Variants in P4HTM observed in about 807,000 individuals in gnomAD.
P4HTM encodes transmembrane prolyl 4-hydroxylase.
P4HTM carries 33 observed loss-of-function variants against 55.3 expected under a neutral mutation model. The ratio of observed to expected loss-of-function variants is 0.60; its 90% CI spans 0.45 to 0.80. P4HTM has a LOEUF of 0.80. P4HTM is among the 30% of genes least tolerant of loss of function. The pLI, the probability that P4HTM is intolerant of heterozygous loss-of-function variation, is 0.00. For synonymous variants in P4HTM, 272 were observed against 286.4 expected (o/e 0.95, Z 0.51); for missense variants, 542 against 696.5 (o/e 0.78, Z 2.50).
Position 49,002,377 on chromosome 3 carries a change from G to A in P4HTM, c.628-123G>A. 2.7e-6 allele frequency: 2 copies of A among 752,494 alleles called. No homozygotes were observed. The highest frequency in any genetic ancestry group is 4.7e-6 in the Non-Finnish European group (2 of 428,964). The allele number at this position is 752,494 out of a possible 1,614,324, so 46.6% of individuals were successfully genotyped here. A position where few individuals can be genotyped will look rare whatever the true frequency, so the allele number is the denominator to read the frequency against. ...CACTCACTTTGGCCCAATGGGCTCT[G>A]CCCTGTGTCCTCATCCATGCCCTCA... On this transcript the variant is annotated intron_variant, in intron 3 of 8. Transcript: ENST00000383729. This position sits in a 1 kb window ranked among gnomAD's most constrained non-coding sequence, Gnocchi z 4.4.
intron 8 of P4HTM, 83 bp from the exon 9 acceptor site, chr3:49,006,604 C>A (rs990831870): frequency 2.6e-6 from 3 of 1,137,816 alleles, no homozygotes; most frequent in African/African-American, 3.1e-5. Context: ...ATAGCTGGAC[C>A]CACCTTGGTC....
intron 2 of P4HTM, among the ~76,000 whole-genome samples, chr3:48,994,121 A>G (rs532594246): frequency 1.3e-5 from 2 of 152,312 alleles, no homozygotes; most frequent in East Asian, 3.9e-4. Context: ...TTGGATGACT[A>G]CAAAGAAGGA....
intron 2 of P4HTM, among the ~76,000 whole-genome samples, chr3:48,992,662 CTTTTT>C (rs755087586): frequency 2.2e-5 from 2 of 89,324 alleles, no homozygotes. Context: ...GATTAGAACT[CTTTTT>C]TTTTTTTTTT....
At chr3:48,992,453 A>C (rs1441744674) in intron 2 of P4HTM, among the ~76,000 whole-genome samples, 1 of 151,726 alleles carries the variant, frequency 6.6e-6, no homozygotes, top group Non-Finnish European at 1.5e-5. Flanking sequence ...TAAAAATACA[A>C]AAATTAGCCG....
At position 48,990,950 on chromosome 3, in the gene P4HTM, G is replaced by A. The variant is rs1441207359; in HGVS notation, c.436+36G>A. On this transcript the variant is annotated intron_variant, in intron 2 of 8. Transcript: ENST00000383729. This position sits in a 1 kb window ranked among gnomAD's most constrained non-coding sequence, Gnocchi z 7.2. ...CAGATACTCCTGGGAAGGGCCAGGG[G>A]CTGCGGTTTGGTGGCCACCTTGAGG... 1.9e-6 allele frequency: 3 copies of A among 1,566,678 alleles called. No homozygotes were observed. Among genetic ancestry groups the A allele is most frequent in the African/African-American group, 1.4e-5 (1 of 74,014 alleles).
chr3:48,996,115 A>G (rs2092944819), intron 2 of P4HTM: 1 of 152,240 alleles, frequency 6.6e-6, no homozygotes, highest in Non-Finnish European at 1.5e-5. Context: ...TTTTAAAATC[A>G]TGACTGCTTT....
rs748883817 is a variant in P4HTM at position 48,990,789 on chromosome 3, C to A, written c.355-44C>A. On this transcript the variant is annotated intron_variant, in intron 1 of 8. Coordinates refer to ENST00000383729, the MANE Select transcript of P4HTM (RefSeq NM_177939.3). The surrounding 1 kb of genome is among the most constrained non-coding windows in gnomAD (Gnocchi z 7.2). ...GGGCGACTTGGCCCTTCTTGGGCAG[C>A]GCGGTCTGGCGCCCCAGCTGCCCGC... 2.7e-5 allele frequency: 43 copies of A among 1,588,476 alleles called. No homozygotes were observed. The highest frequency in any genetic ancestry group is 3.4e-5 in the Non-Finnish European group (39 of 1,159,218).
Position 48,990,533 on chromosome 3 carries a change from C to A in P4HTM, c.277C>A (p.Pro93Thr), listed in dbSNP as rs780205056. Residue 93 changes from proline (P) to threonine (T), a missense_variant, in exon 1 of 9, where the codon CCC (proline) becomes ACC (threonine). Physicochemically the swap from Pro to Thr is conservative, Grantham distance 38. Transcript: ENST00000383729. The surrounding 1 kb of genome is among the most constrained non-coding windows in gnomAD (Gnocchi z 7.2). The stretch of plus-strand genomic sequence containing the variant: ...CAGCAACGGCGACGAAAGCAGCGAT[C>A]CCGGGCCCCAACACCGTGCCCAGGG... ...HYSNGDESSD[P>T]GPQHRAQGPG... The A allele has an allele frequency of 6.2e-7, 1 of 1,610,892 alleles. No individual in the cohort carries two copies. Among genetic ancestry groups the A allele is most frequent in the Non-Finnish European group, 8.5e-7 (1 of 1,179,308 alleles).
Position 49,002,467 on chromosome 3 carries a change from G to C in P4HTM, c.628-33G>C, listed in dbSNP as rs768447520. On this transcript the variant is annotated intron_variant, in intron 3 of 8. Transcript: ENST00000383729. The surrounding 1 kb of genome is among the most constrained non-coding windows in gnomAD (Gnocchi z 4.4). The stretch of plus-strand genomic sequence containing the variant: ...TTCTCTGCTGGCTCTCCATCACTGG[G>C]GTCACCCACTGAGGGACCCTCTTAT... 2 of 1,484,116 alleles carry C rather than the reference G, an allele frequency of 1.3e-6. No homozygotes were observed. Among genetic ancestry groups the C allele is most frequent in the Non-Finnish European group, 1.9e-6 (2 of 1,062,344 alleles). The allele number at this position is 1,484,116 out of a possible 1,614,324, so 91.9% of individuals were successfully genotyped here. A position where few individuals can be genotyped will look rare whatever the true frequency, so the allele number is the denominator to read the frequency against.
At chr3:49,005,458 C>T in intron 6 of P4HTM, 1 of 1,371,080 alleles carries the variant, frequency 7.3e-7, no homozygotes. Context: ...AGCCCCTTCC[C>T]ATCCCCAAGG....
At chr3:49,006,219 G>C in intron 8 of P4HTM, 32 bp downstream of exon 8, 1 of 1,596,198 alleles carries the variant, frequency 6.3e-7, no homozygotes, top group South Asian at 1.1e-5. Context: ...TGGGGGGGGT[G>C]CCCTGAGTAC....
At chr3:48,995,102 C>T (rs1037303513) in intron 2 of P4HTM, among the ~76,000 whole-genome samples, 4 of 152,006 alleles carry the variant, frequency 2.6e-5, no homozygotes, top group African/African-American at 9.7e-5. Flanking sequence ...TGCCCAGCCG[C>T]TCATCACTCT....
At chr3:48,997,209 G>C in intron 2 of P4HTM, 1 of 152,240 alleles carries the variant, frequency 6.6e-6, no homozygotes, top group East Asian at 1.9e-4. Flanking sequence ...TCCCTGGCGG[G>C]GTTAGCCCCT....
intron 5 of P4HTM, chr3:49,004,514 CTCTTA>C (rs2092970788): frequency 3.6e-6 from 2 of 559,462 alleles, no homozygotes; most frequent in Non-Finnish European, 6.3e-6. Context: ...GATAAATGAC[CTCTTA>C]TCTTTGACCC....
At chr3:48,993,010 A>C (rs979156236) in intron 2 of P4HTM, among the ~76,000 whole-genome samples, 5 of 152,052 alleles carry the variant, frequency 3.3e-5, no homozygotes, top group African/African-American at 1.2e-4. Flanking sequence ...CCTGAAAAAA[A>C]TATTTGAGCA....
chr3:48,996,214 T>C (rs1387041909), intron 2 of P4HTM: 1 of 152,224 alleles, frequency 6.6e-6, no homozygotes, highest in African/African-American at 2.4e-5. Flanking sequence ...TGACAAACAC[T>C]GGAGGCCCAA....
At chr3:48,994,620 C>T (rs1486539030) in intron 2 of P4HTM, among the ~76,000 whole-genome samples, 1 of 152,128 alleles carries the variant, frequency 6.6e-6, no homozygotes, top group African/African-American at 2.4e-5. Flanking sequence ...TATTGGGTGT[C>T]AGCTGAGGGC....
At chr3:49,005,100 T>C (rs1275275953) in intron 6 of P4HTM, 54 bp downstream of exon 6, 3 of 1,613,560 alleles carry the variant, frequency 1.9e-6, no homozygotes, top group Admixed American at 3.3e-5. Context: ...GGAACACCCA[T>C]GACACAGGCA....
chr3:49,005,520 C>T (rs2092975253), intron 6 of P4HTM: 4 of 1,349,148 alleles, frequency 3.0e-6, no homozygotes, highest in Non-Finnish European at 3.8e-6. Flanking sequence ...CCCTGCCAGG[C>T]CCTTGCTCAG....
Sources: gnomAD v4.1 joint callset for allele counts (sites outside exome capture counted in the v4.1 genomes callset) on GRCh38, gnomAD v4.1.1 for gene constraint, Gnocchi (gnomAD v3.1) non-coding constraint, MANE v1.5 for transcripts, NCBI Gene and HGNC (gene_info 2026-07-23, HGNC 2026-07-21) for gene names.